The following FLRT1 variants were observed in gnomAD, a reference collection of about 807,000 sequenced individuals.
FLRT1 encodes fibronectin leucine rich transmembrane protein 1.
FLRT1 carries 14 observed loss-of-function variants against 30.9 expected under a neutral mutation model. That is an observed-to-expected ratio of 0.45 (90% CI 0.30 to 0.71). FLRT1 has a LOEUF of 0.71. Among genes scored for constraint, FLRT1 ranks in the 30% least tolerant of loss-of-function variants. The pLI, the probability that FLRT1 is intolerant of heterozygous loss-of-function variation, is 0.08. For synonymous variants in FLRT1, 368 were observed against 430.4 expected, an observed-to-expected ratio of 0.85 and a Z score of 1.80; for missense variants, 737 against 949.2, an observed-to-expected ratio of 0.78 and a Z score of 2.94.
At chr11:64,107,000 C>G (rs1437848606) in intron 2 of FLRT1, among the ~76,000 whole-genome samples, 1 of 152,232 alleles carries the variant, frequency 6.6e-6, no homozygotes, top group Non-Finnish European at 1.5e-5. Flanking sequence ...TCTCCTGCCT[C>G]AGCCTCCCAA....
intron 2 of FLRT1, among the ~76,000 whole-genome samples, chr11:64,112,715 T>C (rs1944884532): frequency 6.6e-6 from 1 of 152,092 alleles, no homozygotes; most frequent in East Asian, 1.9e-4. Context: ...GCACAGCACT[T>C]GCAAGGGCCC....
At chr11:64,040,819 G>A (rs1943470340) in intron 1 of FLRT1, among the ~76,000 whole-genome samples, 1 of 152,096 alleles carries the variant, frequency 6.6e-6, no homozygotes, top group Admixed American at 6.5e-5. Flanking sequence ...GTGTCCTGGA[G>A]GGCCCCGGAC....
rs529216843 is a variant in FLRT1, at chr11:64,100,339, C to T, written c.-1037-2855C>T. Among the ~76,000 whole-genome samples, 8 of 152,136 alleles carry T rather than the reference C, an allele frequency of 5.3e-5. No individual in the cohort carries two copies. In the East Asian group the frequency reaches 9.6e-4, roughly 18 times the overall value. ...TTTAATACAGTTGTGATGTGATTGACGACAACAAAAGTAGAAAATTGTGTA... is the reference window on the plus strand; with the variant it reads ...TTTAATACAGTTGTGATGTGATTGATGACAACAAAAGTAGAAAATTGTGTA... On this transcript the variant is annotated intron_variant, in intron 1 of 2. Coordinates refer to ENST00000682287, the MANE Select transcript of FLRT1 (RefSeq NM_013280.5).
chr11:64,066,475 G>A (rs950295916), intron 1 of FLRT1, among the ~76,000 whole-genome samples: 7 of 150,830 alleles, frequency 4.6e-5, no homozygotes, highest in South Asian at 4.2e-4. Context: ...AAAAATTAGC[G>A]GAGTGTGGTG....
At chr11:64,044,168 A>G (rs910518162) in intron 1 of FLRT1, among the ~76,000 whole-genome samples, 1 of 151,884 alleles carries the variant, frequency 6.6e-6, no homozygotes, top group Non-Finnish European at 1.5e-5. Context: ...CCTACAACAC[A>G]TGAGAGTAAT....
chr11:64,063,759 G>A (rs1053939261), intron 1 of FLRT1, among the ~76,000 whole-genome samples: 1 of 152,180 alleles, frequency 6.6e-6, no homozygotes, highest in African/African-American at 2.4e-5. Flanking sequence ...TCCTCGCCCG[G>A]CTGTCAGCCA....
chr11:64,048,323 T>G (rs1404509111), intron 1 of FLRT1, among the ~76,000 whole-genome samples: 1 of 152,224 alleles, frequency 6.6e-6, no homozygotes, highest in Non-Finnish European at 1.5e-5. Context: ...CCAGCCTTTG[T>G]GCCAGTGCAC....
chr11:64,084,751 T>C (rs1292770001), intron 1 of FLRT1, among the ~76,000 whole-genome samples: 1 of 152,186 alleles, frequency 6.6e-6, no homozygotes, highest in African/African-American at 2.4e-5. Flanking sequence ...ACCTCGTGCC[T>C]TGGTGACCCC....
chr11:64,109,501 G>C (rs991955611), intron 2 of FLRT1, among the ~76,000 whole-genome samples: 2 of 152,206 alleles, frequency 1.3e-5, no homozygotes, highest in African/African-American at 2.4e-5. Flanking sequence ...GGCTGCAGAG[G>C]GGGTGGAAAG....
At chr11:64,057,848 C>T (rs1943818739) in intron 1 of FLRT1, among the ~76,000 whole-genome samples, 2 of 152,230 alleles carry the variant, frequency 1.3e-5, no homozygotes, top group Non-Finnish European at 2.9e-5. Context: ...TTCCACTTTA[C>T]AGTTGTGGAA....
chr11:64,072,624 G>A (rs1474816316), intron 1 of FLRT1, among the ~76,000 whole-genome samples: 1 of 152,224 alleles, frequency 6.6e-6, no homozygotes, highest in African/African-American at 2.4e-5. Flanking sequence ...ATCAGATGGG[G>A]ATAACAAAGC....
At chr11:64,093,395 G>A (rs1944524431) in intron 1 of FLRT1, among the ~76,000 whole-genome samples, 1 of 152,234 alleles carries the variant, frequency 6.6e-6, no homozygotes, top group Admixed American at 6.5e-5. Flanking sequence ...CGGTGGAGAG[G>A]GCAAGGGCTG....
intron 1 of FLRT1, among the ~76,000 whole-genome samples, chr11:64,048,570 T>A (rs778140963): frequency 1.3e-5 from 2 of 152,072 alleles, no homozygotes; most frequent in Non-Finnish European, 2.9e-5. Context: ...AGCAGGATGG[T>A]TAATAACAGT....
At chr11:64,114,343 T>TGATGGGTGGATGGTGGACA (rs1944929453) in intron 2 of FLRT1, among the ~76,000 whole-genome samples, 1 of 136,252 alleles carries the variant, frequency 7.3e-6, no homozygotes, top group African/African-American at 2.9e-5. Flanking sequence ...AGTAGATACA[T>TGATGGGTGGATGGTGGACA]GATGGATGGA....
intron 2 of FLRT1, among the ~76,000 whole-genome samples, chr11:64,115,425 G>A (rs1311600261): frequency 6.6e-6 from 1 of 151,946 alleles, no homozygotes; most frequent in Non-Finnish European, 1.5e-5. Context: ...TTTGAGAAAG[G>A]GGCAAGGTGT....
chr11:64,048,568 G>T (rs1008479618), intron 1 of FLRT1, among the ~76,000 whole-genome samples: 1 of 152,166 alleles, frequency 6.6e-6, no homozygotes, highest in Non-Finnish European at 1.5e-5. Context: ...CAAGCAGGAT[G>T]GTTAATAACA....
chr11:64,089,150 G>A (rs1199800753), intron 1 of FLRT1, among the ~76,000 whole-genome samples: 2 of 152,210 alleles, frequency 1.3e-5, no homozygotes, highest in Non-Finnish European at 2.9e-5. Flanking sequence ...GTGACCAGCA[G>A]CCTTCCAGGC....
At chr11:64,038,700 A>T (rs11828195) in intron 1 of FLRT1, among the ~76,000 whole-genome samples, 1 of 152,048 alleles carries the variant, frequency 6.6e-6, no homozygotes, top group Non-Finnish European at 1.5e-5. Flanking sequence ...CCTGTATGGG[A>T]CTGTGTGGGT....
intron 1 of FLRT1, among the ~76,000 whole-genome samples, chr11:64,061,080 A>G (rs1590854316): frequency 6.6e-6 from 1 of 151,966 alleles, no homozygotes; most frequent in African/African-American, 2.4e-5. Context: ...CCCACTCCCA[A>G]CCACCTGAGA....
Sources: gnomAD v4.1 joint callset for allele counts (sites outside exome capture counted in the v4.1 genomes callset) on GRCh38, gnomAD v4.1.1 for gene constraint, MANE v1.5 for transcripts, NCBI Gene and HGNC (gene_info 2026-07-23, HGNC 2026-07-21) for gene names.